Variants in IQGAP2 observed in about 807,000 individuals in gnomAD.
IQGAP2 encodes ras GTPase-activating-like protein IQGAP2.
In IQGAP2, 173 loss-of-function variants were observed where a neutral mutation model predicts 201.3. The ratio of observed to expected loss-of-function variants is 0.86; its 90% confidence interval spans 0.76 to 0.98. The LOEUF (loss-of-function observed/expected upper bound fraction) is 0.98. IQGAP2 is among the 50% of genes least tolerant of loss of function. The pLI is 0.00. For synonymous variants in IQGAP2, 675 were observed against 673.9 expected, an observed-to-expected ratio of 1.00 and a Z score of -0.03; for missense variants, 1,687 against 1,864.8, an observed-to-expected ratio of 0.90 and a Z score of 1.76.
intron 2 of IQGAP2, among the ~76,000 whole-genome samples, chr5:76,545,511 CTGATA>C (rs1332246294): frequency 6.6e-6 from 1 of 152,178 alleles, no homozygotes; most frequent in Non-Finnish European, 1.5e-5. Flanking sequence ...AGGCAACATT[CTGATA>C]TGTATACAAT....
At chr5:76,584,716 G>A (rs752246541) in intron 5 of IQGAP2, among the ~76,000 whole-genome samples, 19 of 152,252 alleles carry the variant, frequency 1.2e-4, no homozygotes, top group African/African-American at 4.6e-4. Flanking sequence ...TCTGGCGTCC[G>A]TTCCATTGCT....
chr5:76,430,351 A>G (rs1178140506), intron 1 of IQGAP2, among the ~76,000 whole-genome samples: 1 of 152,140 alleles, frequency 6.6e-6, no homozygotes, highest in Admixed American at 6.5e-5. Flanking sequence ...TTCTCCACCT[A>G]TATGCCTGGT....
At chr5:76,404,467 T>C in intron 1 of IQGAP2, 1 of 985,532 alleles carries the variant, frequency 1.0e-6, no homozygotes, top group Non-Finnish European at 1.2e-6. Context: ...AAGGTGGCCC[T>C]GTCAGTGAAC....
At chr5:76,674,104 A>G (rs1744593987) in intron 26 of IQGAP2, 68 bp downstream of exon 26, 3 of 865,654 alleles carry the variant, frequency 3.5e-6, no homozygotes, top group Admixed American at 1.8e-5. Flanking sequence ...CCAACATATA[A>G]CTTTGTAAGA....
chr5:76,551,532 G>T lies in IQGAP2; in HGVS notation c.147-10864G>T, dbSNP rs531736899. ...TGGGAGGTGGAGGTTGTAGCGAGCC[G>T]AGATCACGTCACTGCACTCCAGCCT... On this transcript the variant is annotated intron_variant, in intron 2 of 35. Transcript: ENST00000274364. 3.1e-3 allele frequency among the ~76,000 whole-genome samples: 477 copies of T among 152,134 alleles called. 2 individuals are homozygous for T. Among genetic ancestry groups the T allele is most frequent in the African/African-American group, 0.011 (454 of 41,498 alleles).
chr5:76,695,740 C>T, intron 32 of IQGAP2, 74 bp downstream of exon 32: 6 of 1,167,582 alleles, frequency 5.1e-6, no homozygotes, highest in Non-Finnish European at 7.5e-6. Context: ...GCTGGGCACT[C>T]TGTGAGGTGG....
At chr5:76,492,307 G>A (rs948793492) in intron 2 of IQGAP2, among the ~76,000 whole-genome samples, 12 of 152,194 alleles carry the variant, frequency 7.9e-5, no homozygotes, top group Non-Finnish European at 1.5e-4. Flanking sequence ...GGAGTGTGAG[G>A]TGCCGGACGG....
chr5:76,412,509 A>G (rs1751180716), intron 1 of IQGAP2, among the ~76,000 whole-genome samples: 1 of 152,186 alleles, frequency 6.6e-6, no homozygotes, highest in Non-Finnish European at 1.5e-5. Context: ...TTTACTGGCA[A>G]TATGAATTCA....
At position 76,665,586 on chromosome 5, in the gene IQGAP2, G is replaced by C. The variant is rs533069778; in HGVS notation, c.2679+411G>C. On this transcript the variant is annotated intron_variant, in intron 22 of 35. Coordinates refer to ENST00000274364, the MANE Select transcript of IQGAP2 (RefSeq NM_006633.5). ...CATCCATGAAAAAATTAAAATAACT[G>C]TATGTGAAAAACAGATATTTACCAG... Among the ~76,000 whole-genome samples, 5 of 152,248 alleles carry C rather than the reference G, an allele frequency of 3.3e-5. No individual in the cohort carries two copies. In the South Asian group the frequency reaches 8.3e-4, roughly 25 times the overall value.
chr5:76,586,565 T>A (rs1746264006), intron 5 of IQGAP2, among the ~76,000 whole-genome samples: 1 of 152,202 alleles, frequency 6.6e-6, no homozygotes, highest in African/African-American at 2.4e-5. Flanking sequence ...CTTGTTGCTA[T>A]CAGTTGCTAG....
At chr5:76,460,704 CAT>C (rs888117239) in intron 1 of IQGAP2, among the ~76,000 whole-genome samples, 1 of 152,044 alleles carries the variant, frequency 6.6e-6, no homozygotes, top group African/African-American at 2.4e-5. Flanking sequence ...GTTTTTGACA[CAT>C]GTCAATCTTT....
intron 15 of IQGAP2, among the ~76,000 whole-genome samples, chr5:76,636,081 A>G (rs536907659): frequency 2.0e-5 from 3 of 152,322 alleles, no homozygotes. Flanking sequence ...GCATCAACAC[A>G]TATTAAAGAG....
chr5:76,700,702 T>C (rs113970855), intron 33 of IQGAP2, among the ~76,000 whole-genome samples: 10 of 152,348 alleles, frequency 6.6e-5, no homozygotes, highest in African/African-American at 9.6e-5. Context: ...GTTAAATAGA[T>C]TAAAACAGTC....
rs977418731 is a variant in IQGAP2, at chr5:76,613,751, G to A, written c.1521+2568G>A. ...GCTCAGTTACCCAGGCTGGAGTGCC[G>A]TGGCGCCATATCAGCTCACGGAAAC... On this transcript the variant is annotated intron_variant, in intron 13 of 35. Coordinates refer to ENST00000274364, the MANE Select transcript of IQGAP2 (RefSeq NM_006633.5). 2.0e-5 allele frequency among the ~76,000 whole-genome samples: 3 copies of A among 151,680 alleles called. 1 individual carries two copies. Among genetic ancestry groups the A allele is most frequent in the South Asian group, 4.1e-4 (2 of 4,824 alleles).
chr5:76,621,714 G>A (rs533617849), intron 13 of IQGAP2, among the ~76,000 whole-genome samples: 1 of 152,248 alleles, frequency 6.6e-6, no homozygotes, highest in East Asian at 1.9e-4. Flanking sequence ...CCAGATCTGG[G>A]TCCACTTAAA....
At chr5:76,551,300 G>GGCC (rs1743489148) in intron 2 of IQGAP2, among the ~76,000 whole-genome samples, 1 of 151,494 alleles carries the variant, frequency 6.6e-6, no homozygotes. Context: ...GATGATGGGC[G>GGCC]GCCGGGCAGA....
chr5:76,601,520 C>A (rs1747426994), intron 11 of IQGAP2, among the ~76,000 whole-genome samples: 1 of 152,204 alleles, frequency 6.6e-6, no homozygotes, highest in African/African-American at 2.4e-5. Flanking sequence ...CCAGATAGTA[C>A]AACTGATAGC....
At chr5:76,692,107 T>C (rs542308921) in intron 30 of IQGAP2, among the ~76,000 whole-genome samples, 5 of 152,210 alleles carry the variant, frequency 3.3e-5, no homozygotes, top group Non-Finnish European at 7.3e-5. Context: ...AACAAACTTT[T>C]GTCTGTGTTT....
chr5:76,681,597 G>A lies in IQGAP2; in HGVS notation c.3661-1518G>A, dbSNP rs143885213. Among the ~76,000 whole-genome samples the A allele has an allele frequency of 1.8e-4, 28 of 151,694 alleles. No homozygotes were observed. The East Asian group carries it at 4.8e-3, about 26-fold the overall frequency. On this transcript the variant is annotated intron_variant, in intron 28 of 35. Transcript: ENST00000274364. ...GAAGAAAATGCAACCCTTGCACCCC[G>A]TTGGTGGGAATGTAAAATGGTGCAG...
Sources: gnomAD v4.1 joint callset for allele counts (sites outside exome capture counted in the v4.1 genomes callset) on GRCh38, gnomAD v4.1.1 for gene constraint, MANE v1.5 for transcripts, NCBI Gene and HGNC (gene_info 2026-07-23, HGNC 2026-07-21) for gene names.